The following POSTN variants were observed in gnomAD, a reference collection of about 807,000 sequenced individuals.
POSTN encodes osteoblast specific factor 2 (fasciclin I-like).
In POSTN, 71 loss-of-function variants were observed where a neutral mutation model predicts 104.5. That is an observed-to-expected ratio of 0.68 (90% confidence interval 0.56 to 0.83). POSTN has a LOEUF of 0.83. Among genes scored for constraint, POSTN ranks in the 40% least tolerant of loss-of-function variants. The probability of loss-of-function intolerance (pLI) is 0.00; values close to 1 mark genes in which losing one functional copy is unlikely to be tolerated. For missense variants in POSTN, 949 were observed against 1,006.8 expected, an observed-to-expected ratio of 0.94 and a Z score of 0.78; for synonymous variants, 355 against 340.7, an observed-to-expected ratio of 1.04 and a Z score of -0.46.
rs946489552 is a variant in POSTN, at chr13:37,572,956, T to C, written c.2090-1498A>G. Among the ~76,000 whole-genome samples the C allele has an allele frequency of 2.0e-5, 3 of 151,576 alleles. No homozygotes were observed. In the South Asian group the frequency reaches 6.2e-4, roughly 31 times the overall value. ...GTAATTTCTGAACTCAAGTTATTAA[T>C]GAGTAGGTGACACAACTCCATTTTT... On this transcript the variant is annotated intron_variant, in intron 17 of 22. Transcript: ENST00000379747.
In POSTN at chr13:37,579,963, C is replaced by T; in HGVS notation, c.1558G>A (p.Asp520Asn). Residue 520 changes from aspartate (D) to asparagine (N), a missense_variant, in exon 12 of 23, where the codon GAC (aspartate) becomes AAC (asparagine). Asp to Asn is a conservative substitution (Grantham distance 23). Transcript: ENST00000379747. ...GGTTGTGTCAGGAGCTCTTTCAAGT[C>T]TGCAGCTTCAAGTAGGCTGAGGAAG... ...STFLSLLEAA[D>N]LKELLTQPGD... is the part of the protein sequence containing the mutation. The T allele has an allele frequency of 6.2e-7, 1 of 1,613,654 alleles. No homozygotes were observed. The highest frequency in any genetic ancestry group is 1.7e-5 in the Admixed American group (1 of 60,000).
intron 7 of POSTN, among the ~76,000 whole-genome samples, chr13:37,585,223 G>T (rs2138315023): frequency 6.6e-6 from 1 of 152,276 alleles, no homozygotes; most frequent in African/African-American, 2.4e-5. Flanking sequence ...AGTAACTCCT[G>T]ATGTGAAAGC....
chr13:37,594,687 A>G (rs1250289696), intron 2 of POSTN, among the ~76,000 whole-genome samples: 1 of 152,148 alleles, frequency 6.6e-6, no homozygotes, highest in Non-Finnish European at 1.5e-5. Context: ...ATTTTGGACA[A>G]TATCTTGACC....
intron 9 of POSTN, among the ~76,000 whole-genome samples, chr13:37,583,470 C>G (rs574950831): frequency 1.2e-3 from 151 of 124,480 alleles, no homozygotes; most frequent in African/African-American, 4.4e-3. Flanking sequence ...GAGACGGAGT[C>G]TCACTCTGTC....
At chr13:37,567,260 A>G (rs1052279899) in intron 21 of POSTN, among the ~76,000 whole-genome samples, 1 of 147,200 alleles carries the variant, frequency 6.8e-6, no homozygotes. Flanking sequence ...AAAATGTACT[A>G]CATGTACCAC....
intron 17 of POSTN, among the ~76,000 whole-genome samples, chr13:37,572,180 CTG>C (rs1206004217): frequency 1.3e-5 from 2 of 151,602 alleles, no homozygotes; most frequent in Admixed American, 1.3e-4. Flanking sequence ...TTAATTAAGA[CTG>C]TTTCACAGAG....
chr13:37,581,178 A>G (rs1303896594), intron 10 of POSTN, among the ~76,000 whole-genome samples: 1 of 152,300 alleles, frequency 6.6e-6, no homozygotes, highest in Middle Eastern at 3.4e-3. Context: ...CGTGATATAT[A>G]TATACACACA....
At chr13:37,580,209 A>G (rs1189317157) in intron 11 of POSTN, among the ~76,000 whole-genome samples, 1 of 152,206 alleles carries the variant, frequency 6.6e-6, no homozygotes, top group Non-Finnish European at 1.5e-5. Flanking sequence ...ATCTGATTTC[A>G]TCCTATAAAA....
Position 37,564,181 on chromosome 13 carries a change from CATATAT to C in POSTN, c.2473+332_2473+337del, listed in dbSNP as rs71093693. Among the ~76,000 whole-genome samples, 132 of 49,784 alleles carry C rather than the reference CATATAT, an allele frequency of 2.7e-3. 1 individual carries two copies. Among genetic ancestry groups the C allele is most frequent in the East Asian group, 3.5e-3 (2 of 566 alleles). The allele number at this position is 49,784 out of a possible 152,430, so 32.7% of individuals were successfully genotyped here. A position where few individuals can be genotyped will look rare whatever the true frequency, so the allele number is the denominator to read the frequency against. Reference sequence around the variant, plus strand: ...GTATACTTGTATATACAAAACATTACATATATATATATATATATATATATATATATA... The same window carrying C: ...GTATACTTGTATATACAAAACATTACATATATATATATATATATATATATA... On this transcript the variant is annotated intron_variant, in intron 22 of 22. Transcript: ENST00000379747.
intron 2 of POSTN, among the ~76,000 whole-genome samples, chr13:37,596,502 T>C (rs1951090704): frequency 1.3e-5 from 2 of 152,216 alleles, no homozygotes; most frequent in South Asian, 2.1e-4. Context: ...TAATAAATAA[T>C]GCTTTCAAAT....
chr13:37,586,043 C>T (rs1950732949), intron 7 of POSTN, 96 bp downstream of exon 7: 2 of 1,256,298 alleles, frequency 1.6e-6, no homozygotes, highest in Non-Finnish European at 2.1e-6. Flanking sequence ...CCTGCCTTTG[C>T]TTATTAAAAC....
At chr13:37,564,497 T>C in intron 22 of POSTN, 22 bp downstream of exon 22, 1 of 1,469,800 alleles carries the variant, frequency 6.8e-7, no homozygotes, top group Non-Finnish European at 9.5e-7. Flanking sequence ...TATACACACA[T>C]TACTATAGCC....
At position 37,598,701 on chromosome 13, in the gene POSTN, G is replaced by C; in HGVS notation, c.26C>G (p.Ser9Cys). MIPFLPMF[S>C]LLLLLIVNPI... ...GTTAACAATAAGCAGCAATAGTAGAGAAAACATGGGTAAAAAGGGAATCAT... is the reference window on the plus strand; with the variant it reads ...GTTAACAATAAGCAGCAATAGTAGACAAAACATGGGTAAAAAGGGAATCAT... The change falls in exon 1 of 23, where the codon TCT becomes TGT. Residue 9 changes from serine (S) to cysteine (C), a missense_variant. Coordinates refer to ENST00000379747, the MANE Select transcript of POSTN (RefSeq NM_006475.3). 6.2e-7 allele frequency: 1 copy of C among 1,613,234 alleles called. No individual in the cohort carries two copies. Among genetic ancestry groups the C allele is most frequent in the Non-Finnish European group, 8.5e-7 (1 of 1,179,356 alleles).
Position 37,587,820 on chromosome 13 carries a change from A to T in POSTN, c.606+2T>A. On this transcript the variant is annotated splice_donor_variant, in intron 5 of 22. Transcript: ENST00000379747. LOFTEE classifies it high-confidence loss of function. ...AGTGTACTTTTTACTGATAAAACTT[A>T]CCCCATTAGGATAATGGTTAATGAA... 6.4e-7 allele frequency: 1 copy of T among 1,572,406 alleles called. No individual in the cohort carries two copies. Among genetic ancestry groups the T allele is most frequent in the Non-Finnish European group, 8.7e-7 (1 of 1,151,044 alleles).
intron 5 of POSTN, 123 bp downstream of exon 5, chr13:37,587,699 A>G: frequency 1.3e-6 from 1 of 768,368 alleles, no homozygotes; most frequent in African/African-American, 1.8e-5. Flanking sequence ...GGGTAAAGTC[A>G]TAATATAGCA....
At chr13:37,567,059 AC>A (rs1950126124) in intron 21 of POSTN, among the ~76,000 whole-genome samples, 2 of 148,390 alleles carry the variant, frequency 1.3e-5, no homozygotes, top group African/African-American at 5.0e-5. Flanking sequence ...AAACGGTGAA[AC>A]CCCGTCTCTA....
chr13:37,598,513 C>A (rs1342045995), intron 1 of POSTN, 95 bp downstream of exon 1: 5 of 1,116,094 alleles, frequency 4.5e-6, no homozygotes, highest in Non-Finnish European at 5.1e-6. Context: ...GGAAAAAAAA[C>A]CCTGAGGCAT....
chr13:37,572,858 A>T (rs190506130), intron 17 of POSTN, among the ~76,000 whole-genome samples: 7 of 151,710 alleles, frequency 4.6e-5, no homozygotes, highest in Non-Finnish European at 8.9e-5. Flanking sequence ...GCCAGTAGCA[A>T]TCCTGGAAGC....
chr13:37,577,890 T>G, intron 15 of POSTN, 92 bp from the exon 16 acceptor site: 1 of 1,553,054 alleles, frequency 6.4e-7, no homozygotes, highest in South Asian at 1.2e-5. Flanking sequence ...AAAGTAAAAA[T>G]AGTGAAGCTA....
Sources: gnomAD v4.1 joint callset for allele counts (sites outside exome capture counted in the v4.1 genomes callset) on GRCh38, gnomAD v4.1.1 for gene constraint, MANE v1.5 for transcripts, NCBI Gene and HGNC (gene_info 2026-07-23, HGNC 2026-07-21) for gene names.